ZNF804B: variants seen among roughly 807,000 people sequenced by gnomAD.
ZNF804B encodes the protein zinc finger 804B.
In ZNF804B, 80 loss-of-function variants were observed where a neutral mutation model predicts 101.4. That is an observed-to-expected ratio of 0.79 (90% confidence interval 0.66 to 0.95). The LOEUF (loss-of-function observed/expected upper bound fraction) is 0.95. ZNF804B is among the 40% of genes least tolerant of loss of function. The pLI is 0.00. For synonymous variants in ZNF804B, 622 were observed against 558.8 expected, an observed-to-expected ratio of 1.11 and a Z score of -1.59; for missense variants, 1,673 against 1,561.9, an observed-to-expected ratio of 1.07 and a Z score of -1.20.
chr7:89,241,455 C>T (rs1242532160), intron 2 of ZNF804B, among the ~76,000 whole-genome samples: 1 of 152,080 alleles, frequency 6.6e-6, no homozygotes, highest in East Asian at 1.9e-4. Flanking sequence ...GAGTCTGTCT[C>T]ACTAATTTCC....
At chr7:89,179,732 T>C (rs567292495) in intron 1 of ZNF804B, among the ~76,000 whole-genome samples, 1 of 152,166 alleles carries the variant, frequency 6.6e-6, no homozygotes, top group Non-Finnish European at 1.5e-5. Context: ...TGACGACTTA[T>C]GTATTTGTTG....
chr7:88,944,955 A>AT (rs567362992), intron 1 of ZNF804B, among the ~76,000 whole-genome samples: 105 of 152,010 alleles, frequency 6.9e-4, no homozygotes, highest in Non-Finnish European at 1.2e-3. Context: ...TTTCTTGTAA[A>AT]TTTGTTTAAG....
chr7:89,090,324 A>T (rs1224588064), intron 1 of ZNF804B, among the ~76,000 whole-genome samples: 3 of 152,056 alleles, frequency 2.0e-5, no homozygotes, highest in Non-Finnish European at 4.4e-5. Flanking sequence ...AGTAAATATG[A>T]AAATTTTTTA....
intron 1 of ZNF804B, among the ~76,000 whole-genome samples, chr7:89,070,925 C>T (rs189303687): frequency 6.4e-4 from 98 of 152,126 alleles, no homozygotes; most frequent in Admixed American, 5.0e-3. Flanking sequence ...AGTCATCCCC[C>T]AGTATCAATG....
intron 2 of ZNF804B, among the ~76,000 whole-genome samples, chr7:89,291,746 C>T (rs10274843): frequency 0.23 from 35,314 of 151,874 alleles, 4,438 homozygotes; most frequent in Admixed American, 0.28. Context: ...ACTTCCTAAT[C>T]CTAGAGAAAG....
chr7:89,027,825 C>T (rs955557922), intron 1 of ZNF804B, among the ~76,000 whole-genome samples: 7 of 152,130 alleles, frequency 4.6e-5, no homozygotes, highest in African/African-American at 1.4e-4. Flanking sequence ...AGATGAGTGT[C>T]CAGCCCAAGA....
intron 1 of ZNF804B, among the ~76,000 whole-genome samples, chr7:88,827,959 G>C (rs1791072769): frequency 6.6e-6 from 1 of 151,916 alleles, no homozygotes; most frequent in Non-Finnish European, 1.5e-5. Flanking sequence ...GATTGTAATT[G>C]CCTCCTAATT....
chr7:88,956,851 C>T (rs565350595), intron 1 of ZNF804B, among the ~76,000 whole-genome samples: 2 of 151,392 alleles, frequency 1.3e-5, no homozygotes, highest in Non-Finnish European at 3.0e-5. Context: ...CTCTATTTTA[C>T]TTTTGTTGCA....
At chr7:89,130,289 G>A (rs1790528846) in intron 1 of ZNF804B, among the ~76,000 whole-genome samples, 1 of 151,868 alleles carries the variant, frequency 6.6e-6, no homozygotes, top group Non-Finnish European at 1.5e-5. Flanking sequence ...ACTTGCTCCT[G>A]GAGAATGGCT....
chr7:89,097,303 A>C (rs942174895), intron 1 of ZNF804B, among the ~76,000 whole-genome samples: 1 of 152,206 alleles, frequency 6.6e-6, no homozygotes, highest in Non-Finnish European at 1.5e-5. Flanking sequence ...CTCACAGATC[A>C]ATTTCTGCAG....
intron 1 of ZNF804B, among the ~76,000 whole-genome samples, chr7:89,091,679 C>A (rs535420072): frequency 7.9e-4 from 120 of 152,284 alleles, no homozygotes; most frequent in Admixed American, 7.5e-3. Flanking sequence ...TTTTATCTTT[C>A]CACTTTCCCT....
At chr7:89,232,746 G>A (rs62470321) in intron 2 of ZNF804B, among the ~76,000 whole-genome samples, 18,583 of 151,962 alleles carry the variant, frequency 0.12, 1,220 homozygotes, top group Middle Eastern at 0.25. Context: ...GGTGACGCCT[G>A]TCTTCTCTAT....
At chr7:89,331,003 T>C (rs1390108257) in intron 3 of ZNF804B, among the ~76,000 whole-genome samples, 2 of 150,672 alleles carry the variant, frequency 1.3e-5, no homozygotes, top group Admixed American at 6.7e-5. Context: ...AAAGTATATA[T>C]ATAATATATT....
intron 1 of ZNF804B, among the ~76,000 whole-genome samples, chr7:89,055,682 T>C (rs1789280487): frequency 6.6e-6 from 1 of 152,038 alleles, no homozygotes; most frequent in South Asian, 2.1e-4. Flanking sequence ...GTGAACACTG[T>C]AGCTATTTAG....
chr7:88,785,441 G>GTGT (rs1347679144), intron 1 of ZNF804B, among the ~76,000 whole-genome samples: 1 of 152,004 alleles, frequency 6.6e-6, no homozygotes, highest in Non-Finnish European at 1.5e-5. Flanking sequence ...TTCTCTTAAG[G>GTGT]TGTATCTATA....
chr7:89,034,454 T>A (rs1234296073), intron 1 of ZNF804B, among the ~76,000 whole-genome samples: 2 of 151,634 alleles, frequency 1.3e-5, no homozygotes, highest in Non-Finnish European at 2.9e-5. Flanking sequence ...CCTCTGTCCA[T>A]GTGTTCTCAT....
intron 1 of ZNF804B, among the ~76,000 whole-genome samples, chr7:89,205,817 C>T (rs1030661721): frequency 6.6e-6 from 1 of 152,184 alleles, no homozygotes; most frequent in African/African-American, 2.4e-5. Flanking sequence ...TCTCACAGCT[C>T]CACTAGGCAG....
At chr7:89,227,435 G>A (rs957892342) in intron 2 of ZNF804B, among the ~76,000 whole-genome samples, 3 of 152,036 alleles carry the variant, frequency 2.0e-5, no homozygotes, top group African/African-American at 7.3e-5. Context: ...GATTCATTAT[G>A]GAGTGAACCA....
chr7:88,896,463 G>A (rs1447533183), intron 1 of ZNF804B, among the ~76,000 whole-genome samples: 2 of 152,144 alleles, frequency 1.3e-5, no homozygotes, highest in African/African-American at 4.8e-5. Flanking sequence ...GGGAGGGAAA[G>A]AAATAAGGCA....
Sources: allele counts gnomAD v4.1 joint callset (sites outside exome capture counted in the v4.1 genomes callset), GRCh38; gene constraint gnomAD v4.1.1; transcripts MANE v1.5; gene names NCBI Gene and HGNC (gene_info 2026-07-23, HGNC 2026-07-21).